The following KAZN variants were observed in gnomAD, a reference collection of about 807,000 sequenced individuals.
KAZN encodes kazrin.
A neutral mutation model predicts 87.4 loss-of-function variants in KAZN; 40 were observed. That is an observed-to-expected ratio of 0.46 (90% CI 0.36 to 0.60). The LOEUF (loss-of-function observed/expected upper bound fraction) is 0.60, where lower values mean the gene tolerates loss of function less well. Among genes scored for constraint, KAZN ranks in the 20% least tolerant of loss-of-function variants. The pLI is 0.00. For missense variants in KAZN, 898 were observed against 1,073.9 expected (o/e 0.84, Z 2.29); for synonymous variants, 466 against 458.3 (o/e 1.02, Z -0.22).
At chr1:14,084,666 T>G (rs570177425) in intron 1 of KAZN, among the ~76,000 whole-genome samples, 1 of 147,210 alleles carries the variant, frequency 6.8e-6, no homozygotes, top group South Asian at 2.2e-4. Flanking sequence ...AAAACCTAAT[T>G]GGCCATCTTA....
chr1:13,903,422 C>G (rs1488999058), intron 1 of KAZN, among the ~76,000 whole-genome samples: 1 of 152,130 alleles, frequency 6.6e-6, no homozygotes, highest in Middle Eastern at 3.2e-3. Flanking sequence ...CTGCATTTAC[C>G]TTTTGTTGTC....
chr1:13,918,704 G>C (rs1275899964), intron 1 of KAZN, among the ~76,000 whole-genome samples: 1 of 152,202 alleles, frequency 6.6e-6, no homozygotes, highest in Non-Finnish European at 1.5e-5. Flanking sequence ...TTAAGAAATG[G>C]CCACAGCCAT....
At chr1:14,236,863 TCCA>T (rs1379811563) in intron 2 of KAZN, among the ~76,000 whole-genome samples, 1 of 151,972 alleles carries the variant, frequency 6.6e-6, no homozygotes, top group Non-Finnish European at 1.5e-5. Context: ...AGTCAAGGCT[TCCA>T]TGAGCCATGA....
chr1:14,891,662 C>G (rs1654736310), intron 1 of KAZN, among the ~76,000 whole-genome samples: 1 of 152,090 alleles, frequency 6.6e-6, no homozygotes, highest in Admixed American at 6.6e-5. Flanking sequence ...AGCAAGTTAG[C>G]CTGTGTCATG....
chr1:14,355,958 G>T (rs1167541514), intron 2 of KAZN, among the ~76,000 whole-genome samples: 1 of 152,188 alleles, frequency 6.6e-6, no homozygotes, highest in Non-Finnish European at 1.5e-5. Flanking sequence ...TAATGGGATT[G>T]CTGGGTCAAA....
chr1:15,050,155 GAATGGAATA>G, intron 4 of KAZN, among the ~76,000 whole-genome samples: 1 of 112,918 alleles, frequency 8.9e-6, no homozygotes, highest in African/African-American at 4.1e-5. Flanking sequence ...TAATAGAATA[GAATGGAATA>G]GAATAGAATA....
chr1:14,664,960 C>T lies in KAZN; in HGVS notation c.226+65737C>T, dbSNP rs1283963566. On this transcript the variant is annotated intron_variant, in intron 1 of 14. Transcript: ENST00000376030. ...ATGAGCCACCGCACCCGGCTGGATC[C>T]ATATTTTTATTTGGCTCCTCTGCTG... Among the ~76,000 whole-genome samples the T allele has an allele frequency of 3.9e-5, 6 of 152,310 alleles. No homozygotes were observed. In the South Asian group the frequency reaches 1.2e-3, roughly 32 times the overall value.
chr1:14,512,781 C>T lies in KAZN; in HGVS notation c.250-86202C>T, dbSNP rs1670983878. Among the ~76,000 whole-genome samples, 3 of 152,142 alleles carry T rather than the reference C, an allele frequency of 2.0e-5. No individual in the cohort carries two copies. In the South Asian group the frequency reaches 6.2e-4, roughly 31 times the overall value. ...TTAAGATGGAGATAAAGTCAAAGAG[C>T]AGATTTTCTCATTCCTATTCATGGC... On this transcript the variant is annotated intron_variant, in intron 2 of 16. Coordinates refer to the KAZN transcript ENST00000636203.
intron 1 of KAZN, among the ~76,000 whole-genome samples, chr1:14,038,095 G>T (rs1217717097): frequency 6.6e-6 from 1 of 152,134 alleles, no homozygotes; most frequent in East Asian, 1.9e-4. Context: ...AGTAAGGTTT[G>T]TTGGGCACCT....
intron 2 of KAZN, among the ~76,000 whole-genome samples, chr1:14,389,702 G>A (rs1328962296): frequency 6.6e-6 from 1 of 152,156 alleles, no homozygotes; most frequent in Non-Finnish European, 1.5e-5. Context: ...CCAGAGGCTG[G>A]GAAGGGTAGT....
intron 5 of KAZN, among the ~76,000 whole-genome samples, chr1:15,058,946 C>T (rs1040225728): frequency 7.9e-5 from 12 of 151,900 alleles, no homozygotes; most frequent in South Asian, 2.1e-4. Context: ...CACTTGAACC[C>T]GGGAAGCAGA....
intron 1 of KAZN, among the ~76,000 whole-genome samples, chr1:13,914,756 T>A (rs1185845402): frequency 6.6e-6 from 1 of 152,122 alleles, no homozygotes; most frequent in Non-Finnish European, 1.5e-5. Flanking sequence ...ATTGGGAGGA[T>A]CACTTGGGCC....
chr1:15,040,772 G>GT (rs1348096566), intron 3 of KAZN, among the ~76,000 whole-genome samples: 1 of 131,288 alleles, frequency 7.6e-6, no homozygotes, highest in Non-Finnish European at 1.6e-5. Context: ...TCTCAAAAAA[G>GT]TTAAAAAAAA....
chr1:14,464,768 T>G (rs1449136428), intron 2 of KAZN, among the ~76,000 whole-genome samples: 1 of 152,022 alleles, frequency 6.6e-6, no homozygotes. Context: ...CTCAAACTCC[T>G]GACCTCAAGT....
At chr1:14,646,449 AAAG>A (rs1436502108) in intron 1 of KAZN, among the ~76,000 whole-genome samples, 1 of 152,198 alleles carries the variant, frequency 6.6e-6, no homozygotes, top group Non-Finnish European at 1.5e-5. Context: ...CTATGGCAGA[AAAG>A]AAGCATGGTG....
chr1:14,615,772 A>G (rs1678189965), intron 1 of KAZN, among the ~76,000 whole-genome samples: 1 of 152,254 alleles, frequency 6.6e-6, no homozygotes, highest in Non-Finnish European at 1.5e-5. Context: ...GAAGTGGCGT[A>G]GGAACTGAGA....
intron 2 of KAZN, among the ~76,000 whole-genome samples, chr1:14,316,258 T>C (rs940301381): frequency 2.6e-5 from 4 of 152,062 alleles, no homozygotes; most frequent in African/African-American, 9.7e-5. Flanking sequence ...TTGTAAGAGT[T>C]CTTTATGTTA....
At chr1:14,765,630 G>A (rs1043041748) in intron 1 of KAZN, among the ~76,000 whole-genome samples, 9 of 152,198 alleles carry the variant, frequency 5.9e-5, no homozygotes, top group East Asian at 1.9e-4. Flanking sequence ...TGGTGCCTGC[G>A]AATGGAGAAG....
At chr1:13,950,034 G>C (rs1173829534) in intron 1 of KAZN, among the ~76,000 whole-genome samples, 1 of 152,208 alleles carries the variant, frequency 6.6e-6, no homozygotes, top group African/African-American at 2.4e-5. Context: ...TCCCGCCCCT[G>C]CCTTGCTCTG....
Sources: allele counts gnomAD v4.1 joint callset (sites outside exome capture counted in the v4.1 genomes callset), GRCh38; gene constraint gnomAD v4.1.1; transcripts MANE v1.5; gene names NCBI Gene and HGNC (gene_info 2026-07-23, HGNC 2026-07-21).